RHBDF2: variants seen among roughly 807,000 people sequenced by gnomAD.
RHBDF2 encodes inactive rhomboid protein 2.
Under a neutral mutation model 95.2 loss-of-function variants are expected in RHBDF2, and 38 were observed. The observed-to-expected ratio is 0.40, with a 90% CI of 0.31 to 0.52. The LOEUF (loss-of-function observed/expected upper bound fraction) is 0.52. RHBDF2 is among the 20% of genes least tolerant of loss of function. The probability of loss-of-function intolerance (pLI) is 0.56; values close to 1 mark genes in which losing one functional copy is unlikely to be tolerated. For synonymous variants in RHBDF2, 442 were observed against 462.0 expected (o/e 0.96, Z 0.55); for missense variants, 863 against 1,137.7 (o/e 0.76, Z 3.47).
intron 4 of RHBDF2, 171 bp from the exon 5 acceptor site, chr17:76,479,448 G>C (rs775289765): frequency 2.0e-6 from 2 of 1,004,982 alleles, no homozygotes; most frequent in South Asian, 2.7e-5. Context: ...GCAGAAGCAG[G>C]GGATGACGGG....
At chr17:76,473,536 G>A (rs965092407) in intron 15 of RHBDF2, 112 bp downstream of exon 15, 55 of 1,014,132 alleles carry the variant, frequency 5.4e-5, no homozygotes, top group Non-Finnish European at 8.1e-5. Flanking sequence ...AGTTATTGGA[G>A]GGCATCGGCC....
At chr17:76,482,771 T>G (rs2074009151) in intron 2 of RHBDF2, among the ~76,000 whole-genome samples, 1 of 148,988 alleles carries the variant, frequency 6.7e-6, no homozygotes, top group Non-Finnish European at 1.5e-5. Flanking sequence ...AGAAAATGTC[T>G]CAAAAAAAAA....
chr17:76,479,447 G>A, intron 4 of RHBDF2, 170 bp from the exon 5 acceptor site: 1 of 1,008,224 alleles, frequency 9.9e-7, no homozygotes, highest in Non-Finnish European at 1.5e-6. Flanking sequence ...AGCAGAAGCA[G>A]GGGATGACGG....
At chr17:76,492,646 C>T (rs2074333223) in intron 1 of RHBDF2, among the ~76,000 whole-genome samples, 1 of 152,206 alleles carries the variant, frequency 6.6e-6, no homozygotes, top group Non-Finnish European at 1.5e-5. Flanking sequence ...CACCTGGTGC[C>T]ACCAATCTCC....
intron 6 of RHBDF2, 82 bp from the exon 7 acceptor site, chr17:76,477,867 A>C: frequency 6.4e-7 from 1 of 1,558,908 alleles, no homozygotes; most frequent in Non-Finnish European, 8.6e-7. Flanking sequence ...GGAATCATCA[A>C]GCCCATCCGC....
Position 76,489,513 on chromosome 17 carries a change from C to T in RHBDF2, c.-219-1604G>A, listed in dbSNP as rs529209008. 4.8e-4 allele frequency among the ~76,000 whole-genome samples: 73 copies of T among 152,240 alleles called. 1 individual carries two copies. The South Asian group carries it at 0.013, about 26-fold the overall frequency. On this transcript the variant is annotated intron_variant, in intron 1 of 18. Transcript: ENST00000675367. ...TAATTTTTTATACTTTTAGTAGAGA[C>T]GGGGTTTCACCATGTTAGCCAGGAT...
In RHBDF2 at chr17:76,491,988, C is replaced by T. The variant is rs781141035; in HGVS notation, c.-219-4079G>A. On this transcript the variant is annotated intron_variant, in intron 1 of 18. Transcript: ENST00000675367. ...CTTCCTCCTGGCCCGCAGTCACATC[C>T]GCCGCTCTCTCTCTAAGACCCCCAG... is the stretch of plus-strand genomic sequence containing the variant. 1.6e-4 allele frequency among the ~76,000 whole-genome samples: 24 copies of T among 152,316 alleles called. 1 individual carries two copies. The highest frequency in any genetic ancestry group is 4.1e-4 in the South Asian group (2 of 4,828).
intron 2 of RHBDF2, among the ~76,000 whole-genome samples, chr17:76,483,270 A>G (rs1186882301): frequency 1.3e-5 from 2 of 151,940 alleles, no homozygotes; most frequent in African/African-American, 4.8e-5. Flanking sequence ...ACACATACGG[A>G]CAGACCTACT....
At position 76,473,829 on chromosome 17, in the gene RHBDF2, G is replaced by GGA. The variant is rs764086075; in HGVS notation, c.1638+8_1638+9dup. On this transcript the variant is annotated intron_variant, in intron 14 of 18. Transcript: ENST00000675367. ...ACCTTCCCAGACCACTCCCCGCCAG[G>GGA]GACACTCACCGGCCACTTAGTGATG... is the stretch of plus-strand genomic sequence containing the variant. The GGA allele has an allele frequency of 3.7e-6, 6 of 1,614,014 alleles. No homozygotes were observed. The South Asian group carries it at 6.6e-5, about 18-fold the overall frequency.
chr17:76,491,203 A>G (rs1217080773), intron 1 of RHBDF2, among the ~76,000 whole-genome samples: 3 of 145,712 alleles, frequency 2.1e-5, no homozygotes, highest in Admixed American at 2.0e-4. Context: ...TCCCCACTAG[A>G]CTCCCCACTA....
chr17:76,473,104 A>C lies in RHBDF2; in HGVS notation c.1811T>G (p.Val604Gly). 1 of 1,613,304 alleles carries C rather than the reference A, an allele frequency of 6.2e-7. No individual in the cohort carries two copies. The highest frequency in any genetic ancestry group is 8.5e-7 in the Non-Finnish European group (1 of 1,179,306). Reference protein sequence around the residue: ...FHEEATLCSQVHCLDKVCGLL... With the variant: ...FHEEATLCSQGHCLDKVCGLL... ...CCCACACACCTTGTCCAAGCAGTGC[A>C]CCTGGGAGTGGGCATATGGTGCTCA... Residue 604 changes from valine (V) to glycine (G), a missense_variant and splice_region_variant, in exon 17 of 19, where the codon GTG becomes GGG. This residue lies in a region of RHBDF2 where 252 missense variants were observed against 412.2 expected (regional missense o/e 0.61). Transcript: ENST00000675367.
rs543817968 is a variant in RHBDF2, at chr17:76,472,693, C to T, written c.2057G>A (p.Arg686Gln). The T allele has an allele frequency of 8.1e-6, 13 of 1,614,004 alleles. No individual in the cohort carries two copies. The highest frequency in any genetic ancestry group is 1.7e-5 in the Admixed American group (1 of 60,016). ...CATCCTCCACATCCTTACCTCTGCCCGGTATGGGAGAAAGATGGCACTGGC... is the reference window on the plus strand; with the variant it reads ...CATCCTCCACATCCTTACCTCTGCCTGGTATGGGAGAAAGATGGCACTGGC... The part of the protein sequence containing the change: ...NLASAIFLPY[R>Q]AEVGPAGSQF... The change falls in exon 18 of 19, where the codon CGG becomes CAG. Residue 686 changes from arginine (R) to glutamine (Q), a missense_variant. Physicochemically the swap from Arg to Gln is conservative, Grantham distance 43. Transcript: ENST00000675367.
chr17:76,501,089 C>G (rs563197881), intron 1 of RHBDF2: 1 of 152,454 alleles, frequency 6.6e-6, no homozygotes, highest in African/African-American at 2.4e-5. Flanking sequence ...CGCCCAGGGA[C>G]CCCTTAGGCG....
chr17:76,477,613 A>G lies in RHBDF2; in HGVS notation c.801+44T>C, dbSNP rs199892331. The G allele has an allele frequency of 2.4e-4, 389 of 1,602,930 alleles. 3 individuals carry two copies. The highest frequency in any genetic ancestry group is 2.7e-4 in the Admixed American group (16 of 59,702). ...GCCAAGGTCACCTCACCCAGCTCCC[A>G]GGCCACCCCACCCAACTCCTGCTGT... On this transcript the variant is annotated intron_variant, in intron 7 of 18. Transcript: ENST00000675367.
At chr17:76,501,228 C>T (rs2074572760) in intron 1 of RHBDF2, 125 bp downstream of exon 1, 1 of 152,146 alleles carries the variant, frequency 6.6e-6, no homozygotes, top group Non-Finnish European at 1.5e-5. Flanking sequence ...GGGCACCGGG[C>T]ACTGGGCACC....
chr17:76,473,028 C>A lies in RHBDF2; in HGVS notation c.1887G>T (p.Trp629Cys), dbSNP rs749866823. 6.2e-7 allele frequency: 1 copy of A among 1,613,948 alleles called. No individual in the cohort carries two copies. The highest frequency in any genetic ancestry group is 1.1e-5 in the South Asian group (1 of 91,078). ...ACCCAGCATGTAGGAAGAGAGACAG[C>A]CAGAGCCTGTAGAACTGATCTGGGA... is the stretch of plus-strand genomic sequence containing the variant. ...PEVPDQFYRL[W>C]LSLFLHAGVV... The change falls in exon 17 of 19, where the codon TGG becomes TGT. Residue 629 changes from tryptophan to cysteine, a missense_variant. Around this residue, in one of 2 missense-constraint regions of RHBDF2, gnomAD observed 252 missense variants for 412.2 expected, o/e 0.61. Transcript: ENST00000675367.
rs34202592 is a variant in RHBDF2 at position 76,486,952 on chromosome 17, C to CTTTTT, written c.-22+755_-22+759dup. ...GTGCCGGTCCCACCTCGCTTCCTGC[C>CTTTTT]TTTTTTTTTTTTTTTTTTTTTTTGA... On this transcript the variant is annotated intron_variant, in intron 2 of 18. Transcript: ENST00000675367. Among the ~76,000 whole-genome samples the CTTTTT allele has an allele frequency of 3.6e-4, 26 of 72,620 alleles. 1 individual carries two copies. Among genetic ancestry groups the CTTTTT allele is most frequent in the East Asian group, 9.5e-4 (2 of 2,100 alleles). 47.6% of individuals were successfully genotyped at this position (72,620 alleles called of 152,430 possible).
At chr17:76,499,285 C>G (rs1414776527) in intron 1 of RHBDF2, among the ~76,000 whole-genome samples, 1 of 152,138 alleles carries the variant, frequency 6.6e-6, no homozygotes, top group African/African-American at 2.4e-5. Flanking sequence ...ATGGCTACTG[C>G]AAGAAAACAG....
chr17:76,499,691 G>A (rs1393617532), intron 1 of RHBDF2, among the ~76,000 whole-genome samples: 1 of 152,212 alleles, frequency 6.6e-6, no homozygotes, highest in Non-Finnish European at 1.5e-5. Context: ...AGTTAGGTGT[G>A]AGTTCAGAAG....
Sources: allele counts gnomAD v4.1 joint callset (sites outside exome capture counted in the v4.1 genomes callset), GRCh38; gene constraint gnomAD v4.1.1; regional missense constraint gnomAD v4.1.1; transcripts MANE v1.5; gene names NCBI Gene and HGNC (gene_info 2026-07-23, HGNC 2026-07-21).